TNK2: variants seen among roughly 807,000 people sequenced by gnomAD.
The protein encoded by TNK2 is tyrosine kinase non receptor 2.
TNK2 carries 83 observed loss-of-function variants against 101.8 expected under a neutral mutation model. The observed-to-expected ratio is 0.82, with a 90% confidence interval of 0.68 to 0.98. The LOEUF is 0.98. Ranked by LOEUF, TNK2 falls within the 50% of genes least tolerant of loss-of-function variation. The pLI is 0.00. For missense variants in TNK2, 1,665 were observed against 1,483.2 expected, an observed-to-expected ratio of 1.12 and a Z score of -2.01; for synonymous variants, 804 against 633.0, an observed-to-expected ratio of 1.27 and a Z score of -4.06.
At position 195,882,191 on chromosome 3, in the gene TNK2, A is replaced by C; in HGVS notation, c.747T>G (p.Ile249Met). ...GATTGCGGGCAGCCAGGTCACGGTG[A>C]ATAAAGCGCTTGGACTCCAGGTAGC... ...GMGYLESKRF[I>M]HRDLAARNLL... Residue 249 changes from isoleucine (I) to methionine (M), a missense_variant, in exon 6 of 16, where the codon ATT (isoleucine) becomes ATG (methionine). Transcript: ENST00000672887. The surrounding 1 kb of genome is among the most constrained non-coding windows in gnomAD (Gnocchi z 4.2). 1 of 1,613,904 alleles carries C rather than the reference A, an allele frequency of 6.2e-7. No individual in the cohort carries two copies.
rs1753621761 is a variant in TNK2, at chr3:195,882,498, C to G, written c.610-170G>C. ...AGGAGTCCTGCAGTTTCTCAGGCCT[C>G]TCCCTCGAGGCAATTTGGGAAACTG... On this transcript the variant is annotated intron_variant, in intron 5 of 15. Coordinates refer to ENST00000672887, the MANE Select transcript of TNK2 (RefSeq NM_001382273.1). This position sits in a 1 kb window ranked among gnomAD's most constrained non-coding sequence, Gnocchi z 4.2. 1 of 1,539,358 alleles carries G rather than the reference C, an allele frequency of 6.5e-7. No individual in the cohort carries two copies. Among genetic ancestry groups the G allele is most frequent in the Non-Finnish European group, 8.7e-7 (1 of 1,146,662 alleles).
rs549133820 is a variant in TNK2, at chr3:195,868,546, C to G, written c.1752G>C (p.Thr584=). The change falls in exon 13 of 16, where the codon ACG becomes ACC. Residue 584 remains threonine, a synonymous_variant. Coordinates refer to ENST00000672887, the MANE Select transcript of TNK2 (RefSeq NM_001382273.1). The part of the protein sequence containing the change: ...KASRGSGAEV[T]LIDFGEEPVV... ...CGGGCTCCTCACCGAAGTCGATGAG[C>G]GTGACCTCAGCCCCGCTGCCTCGGC... 35 of 1,570,044 alleles carry G rather than the reference C, an allele frequency of 2.2e-5. No homozygotes were observed. Among genetic ancestry groups the G allele is most frequent in the Non-Finnish European group, 2.4e-5 (28 of 1,166,408 alleles).
At position 195,883,090 on chromosome 3, in the gene TNK2, G is replaced by A. The variant is rs1753929284; in HGVS notation, c.609+67C>T. The A allele has an allele frequency of 1.9e-6, 3 of 1,570,266 alleles. No homozygotes were observed. In the South Asian group the frequency reaches 3.4e-5, roughly 18 times the overall value. On this transcript the variant is annotated intron_variant, in intron 5 of 15. Transcript: ENST00000672887. ...GCCTCTGACCTTAGGATGGAGAGAG[G>A]AACCGAACCACACATATGGGACCGG...
In TNK2 at chr3:195,868,190, A is replaced by G; in HGVS notation, c.2108T>C (p.Phe703Ser). The stretch of plus-strand genomic sequence containing the variant: ...CTTGCCCCCACCCTGGGGCGGGAGG[A>G]ACAGGTTGTCCTCCAGGGGAGGGGG... ...RPPPPLEDNL[F>S]LPPQGGGKPP... The change falls in exon 13 of 16, where the codon TTC becomes TCC. Residue 703 changes from phenylalanine (F) to serine (S), a missense_variant. By Grantham distance (155) the Phe-to-Ser change is radical (BLOSUM62 -2). Around this residue, in one of 3 missense-constraint regions of TNK2, gnomAD observed 1,136 missense variants for 894.9 expected, o/e 1.27. Transcript: ENST00000672887. 1 of 1,609,350 alleles carries G rather than the reference A, an allele frequency of 6.2e-7. No homozygotes were observed. Among genetic ancestry groups the G allele is most frequent in the Non-Finnish European group, 8.5e-7 (1 of 1,178,876 alleles).
rs114615072 is a variant in TNK2, at chr3:195,870,374, G to A, written c.1452-169C>T. The A allele has an allele frequency of 5.7e-4, 846 of 1,478,348 alleles. 3 individuals carry two copies. The Middle Eastern group carries it at 6.3e-3, about 11-fold the overall frequency. The allele number at this position is 1,478,348 out of a possible 1,614,324, so 91.6% of individuals were successfully genotyped here. A position where few individuals can be genotyped will look rare whatever the true frequency, so the allele number is the denominator to read the frequency against. ...CCTGACCGCACGTCTCAGCTGGGGG[G>A]TGTCCTGGAGAGAAGGCAGAGAAAG... On this transcript the variant is annotated intron_variant, in intron 10 of 15. Coordinates refer to ENST00000672887, the MANE Select transcript of TNK2 (RefSeq NM_001382273.1).
rs113498671 is a variant in TNK2, at chr3:195,884,972, C to G, written c.296G>C (p.Arg99Pro). The change falls in exon 4 of 16, where the codon CGG (arginine) becomes CCG (proline). Residue 99 changes from arginine (R) to proline (P), a missense_variant. Arg to Pro is a moderately radical substitution (Grantham distance 103). Around this residue, in one of 3 missense-constraint regions of TNK2, gnomAD observed 490 missense variants for 522.5 expected, o/e 0.94. Coordinates refer to ENST00000672887, the MANE Select transcript of TNK2 (RefSeq NM_001382273.1). ...GCCCCCAGGGGCGGGCGAGGTCTTCCGGAAGGTGCTCTGAGAGTGATGAGG... is the reference window on the plus strand; with the variant it reads ...GCCCCCAGGGGCGGGCGAGGTCTTCGGGAAGGTGCTCTGAGAGTGATGAGG... The part of the protein sequence containing the change: ...FPPHHSQSTF[R>P]KTSPAPGGPA... 1 of 1,613,784 alleles carries G rather than the reference C, an allele frequency of 6.2e-7. No individual in the cohort carries two copies. The highest frequency in any genetic ancestry group is 1.3e-5 in the African/African-American group (1 of 75,036).
intron 1 of TNK2, among the ~76,000 whole-genome samples, chr3:195,906,568 T>C (rs999741234): frequency 8.6e-5 from 13 of 151,956 alleles, no homozygotes; most frequent in Admixed American, 1.3e-4. Flanking sequence ...GACCAGCCTG[T>C]TACCTGGGGT....
rs1228010283 is a variant in TNK2, at chr3:195,867,939, G to A, written c.2359C>T (p.Pro787Ser). 6.5e-7 allele frequency: 1 copy of A among 1,542,464 alleles called. No homozygotes were observed. The highest frequency in any genetic ancestry group is 8.6e-7 in the Non-Finnish European group (1 of 1,156,368). ...GEEETSQWPGPASPPRVPPRE... is the reference protein window; with the variant it reads ...GEEETSQWPGSASPPRVPPRE... ...GGAGGCACCCGGGGAGGGGAAGCAG[G>A]TCCAGGCCACTGGCTGGTCTCCTCC... The change falls in exon 13 of 16, where the codon CCT becomes TCT. Residue 787 changes from proline to serine, a missense_variant. Around this residue, in one of 3 missense-constraint regions of TNK2, gnomAD observed 1,136 missense variants for 894.9 expected, o/e 1.27. Coordinates refer to ENST00000672887, the MANE Select transcript of TNK2 (RefSeq NM_001382273.1).
intron 9 of TNK2, chr3:195,876,794 C>A: frequency 2.8e-6 from 1 of 361,720 alleles, no homozygotes; most frequent in South Asian, 2.0e-5. Context: ...CAGGAGCAGC[C>A]GCTCCCGGCC....
At chr3:195,870,762 A>C (rs1744564350) in intron 10 of TNK2, among the ~76,000 whole-genome samples, 1 of 152,236 alleles carries the variant, frequency 6.6e-6, no homozygotes, top group African/African-American at 2.4e-5. Context: ...TGGCCACAGC[A>C]TGCCAGGAGT....
intron 1 of TNK2, among the ~76,000 whole-genome samples, chr3:195,905,573 GATCA>G (rs949881758): frequency 8.6e-5 from 13 of 151,918 alleles, no homozygotes; most frequent in African/African-American, 3.1e-4. Flanking sequence ...GGTGCTACTA[GATCA>G]ATTAGATCTC....
At position 195,882,401 on chromosome 3, in the gene TNK2, C is replaced by T. The variant is rs746013656; in HGVS notation, c.610-73G>A. 2 of 1,589,886 alleles carry T rather than the reference C, an allele frequency of 1.3e-6. No homozygotes were observed. Among genetic ancestry groups the T allele is most frequent in the South Asian group, 1.1e-5 (1 of 88,822 alleles). ...CTTCTCAGCAGCCCACGCTGGGCCC[C>T]CAGTCCCCTTCCTGAAGGCTTTCCA... On this transcript the variant is annotated intron_variant, in intron 5 of 15. Coordinates refer to ENST00000672887, the MANE Select transcript of TNK2 (RefSeq NM_001382273.1). This position sits in a 1 kb window ranked among gnomAD's most constrained non-coding sequence, Gnocchi z 4.2.
chr3:195,879,908 C>A (rs1411163413), intron 6 of TNK2, among the ~76,000 whole-genome samples: 1 of 152,128 alleles, frequency 6.6e-6, no homozygotes, highest in Non-Finnish European at 1.5e-5. Flanking sequence ...TATATTCATA[C>A]CTTACCATGC....
chr3:195,895,495 G>A, intron 1 of TNK2: 2 of 1,357,028 alleles, frequency 1.5e-6, no homozygotes, highest in Non-Finnish European at 1.9e-6. Context: ...GGGTGGTCGC[G>A]CCCCTCCTCC....
intron 12 of TNK2, chr3:195,869,123 T>G (rs1022764481): frequency 2.1e-6 from 1 of 485,630 alleles, no homozygotes; most frequent in Non-Finnish European, 3.7e-6. Flanking sequence ...TCAGGGGCTA[T>G]AAGGACTATC....
intron 9 of TNK2, among the ~76,000 whole-genome samples, chr3:195,873,340 C>T (rs1324299339): frequency 6.6e-6 from 1 of 152,238 alleles, no homozygotes; most frequent in East Asian, 1.9e-4. Flanking sequence ...TCCTGACTCC[C>T]GAAGGCTCTC....
intron 9 of TNK2, among the ~76,000 whole-genome samples, chr3:195,874,003 TAGC>T (rs1180104883): frequency 6.6e-6 from 1 of 151,436 alleles, no homozygotes; most frequent in Non-Finnish European, 1.5e-5. Flanking sequence ...ATCTGAAAAA[TAGC>T]AGGGCCACTC....
In TNK2 at chr3:195,885,449, C is replaced by T. The variant is rs1755190941; in HGVS notation, c.235-416G>A. The T allele has an allele frequency of 7.6e-7, 1 of 1,317,104 alleles. No individual in the cohort carries two copies. The highest frequency in any genetic ancestry group is 1.5e-5 in the African/African-American group (1 of 67,032). The allele number at this position is 1,317,104 out of a possible 1,614,324, so 81.6% of individuals were successfully genotyped here. A position where few individuals can be genotyped will look rare whatever the true frequency, so the allele number is the denominator to read the frequency against. On this transcript the variant is annotated intron_variant, in intron 3 of 15. Transcript: ENST00000672887. This position sits in a 1 kb window ranked among gnomAD's most constrained non-coding sequence, Gnocchi z 4.7. ...GAGCCGCAGGGGCCCTCCACAGACACCTCCTTGTCCATTTTTAGCCCTGGC... is the reference window on the plus strand; with the variant it reads ...GAGCCGCAGGGGCCCTCCACAGACATCTCCTTGTCCATTTTTAGCCCTGGC...
At chr3:195,894,272 C>A (rs1268482197) in intron 1 of TNK2, 1 of 152,212 alleles carries the variant, frequency 6.6e-6, no homozygotes, top group African/African-American at 2.4e-5. Context: ...CTCTAGCGTC[C>A]CCAGAAATAT....
Sources: allele counts gnomAD v4.1 joint callset (sites outside exome capture counted in the v4.1 genomes callset), GRCh38; gene constraint gnomAD v4.1.1; regional missense constraint gnomAD v4.1.1; non-coding constraint Gnocchi (gnomAD v3.1); transcripts MANE v1.5; gene names NCBI Gene and HGNC (gene_info 2026-07-23, HGNC 2026-07-21).